Variants in COL28A1 observed in about 807,000 individuals in gnomAD.
The protein encoded by COL28A1 is collagen alpha-1(XXVIII) chain.
COL28A1 carries 161 observed loss-of-function variants against 150.2 expected under a neutral mutation model. That is an observed-to-expected ratio of 1.07 (90% CI 0.94 to 1.22). The LOEUF (loss-of-function observed/expected upper bound fraction) is 1.22. Among genes scored for constraint, COL28A1 ranks in the 50% most tolerant of loss-of-function variants. The pLI is 0.00. For missense variants in COL28A1, 1,617 were observed against 1,388.3 expected (o/e 1.16, Z -2.62); for synonymous variants, 552 against 469.7 (o/e 1.18, Z -2.26).
intron 13 of COL28A1, 105 bp from the exon 14 acceptor site, chr7:7,477,285 T>C: frequency 1.4e-6 from 1 of 702,238 alleles, no homozygotes; most frequent in Non-Finnish European, 2.5e-6. Flanking sequence ...TATTTCAGTT[T>C]ACATGCCAAA....
intron 13 of COL28A1, among the ~76,000 whole-genome samples, chr7:7,479,095 T>C (rs1789184270): frequency 6.6e-6 from 1 of 152,244 alleles, no homozygotes; most frequent in African/African-American, 2.4e-5. Context: ...CAGCACGCTG[T>C]CACCTCTCAC....
intron 25 of COL28A1, chr7:7,431,521 C>A (rs1784972967): frequency 4.2e-6 from 2 of 470,872 alleles, no homozygotes; most frequent in Non-Finnish European, 8.8e-6. Context: ...CCTGGCGAGT[C>A]CCTGATGCAG....
rs1031863732 is a variant in COL28A1, at chr7:7,529,068, G to A, written c.681+2280C>T. 2.7e-4 allele frequency among the ~76,000 whole-genome samples: 41 copies of A among 151,908 alleles called. 1 individual carries two copies. Among genetic ancestry groups the A allele is most frequent in the Admixed American group, 1.3e-4 (2 of 15,256 alleles). On this transcript the variant is annotated intron_variant, in intron 3 of 34. Transcript: ENST00000399429. ...TGTAATCCCAACACTTTGGGAGGCCGAGGCGGGCAGATCACCTGAGGTCAG... is the reference window on the plus strand; with the variant it reads ...TGTAATCCCAACACTTTGGGAGGCCAAGGCGGGCAGATCACCTGAGGTCAG...
chr7:7,445,850 T>C (rs1385860175), intron 18 of COL28A1, among the ~76,000 whole-genome samples: 5 of 148,826 alleles, frequency 3.4e-5, no homozygotes, highest in African/African-American at 1.2e-4. Flanking sequence ...AGAAGATTCA[T>C]AAAACTTAAT....
rs1403974889 is a variant in COL28A1, at chr7:7,391,976, C to T, written c.2137-10364G>A. 3.3e-5 allele frequency among the ~76,000 whole-genome samples: 5 copies of T among 151,798 alleles called. No homozygotes were observed. The East Asian group carries it at 7.7e-4, about 23-fold the overall frequency. On this transcript the variant is annotated intron_variant, in intron 27 of 34. Coordinates refer to ENST00000399429, the MANE Select transcript of COL28A1 (RefSeq NM_001037763.3). ...GTGTCTTTTAATTGGGGCATTTAGC[C>T]CGTTTACAGTTAATATTGTTATGTA...
chr7:7,369,381 A>G (rs1781102115), intron 33 of COL28A1, among the ~76,000 whole-genome samples: 1 of 152,224 alleles, frequency 6.6e-6, no homozygotes, highest in East Asian at 1.9e-4. Context: ...CATTCATTTA[A>G]GTATTATCTA....
intron 23 of COL28A1, among the ~76,000 whole-genome samples, chr7:7,433,014 G>A (rs1223545553): frequency 1.3e-5 from 2 of 151,970 alleles, no homozygotes; most frequent in African/African-American, 2.4e-5. Context: ...AATGGGGCCC[G>A]AATTATACGG....
intron 10 of COL28A1, 43 bp from the exon 11 acceptor site, chr7:7,506,110 G>C (rs1172102861): frequency 3.2e-6 from 3 of 951,590 alleles, no homozygotes; most frequent in Non-Finnish European, 5.2e-6. Context: ...GTGTACAAAA[G>C]GCCAGCAGGA....
At chr7:7,527,440 G>T (rs528353395) in intron 3 of COL28A1, among the ~76,000 whole-genome samples, 1 of 152,210 alleles carries the variant, frequency 6.6e-6, no homozygotes, top group South Asian at 2.1e-4. Context: ...GAGGAAAAAA[G>T]TCATAAGGAC....
chr7:7,517,709 C>T, intron 7 of COL28A1, 87 bp downstream of exon 7: 1 of 1,596,784 alleles, frequency 6.3e-7, no homozygotes, highest in Non-Finnish European at 8.5e-7. Flanking sequence ...CACTTTTGCA[C>T]TTGCACTAAG....
At chr7:7,424,319 T>C (rs1056713916) in intron 25 of COL28A1, among the ~76,000 whole-genome samples, 7 of 152,222 alleles carry the variant, frequency 4.6e-5, no homozygotes, top group Admixed American at 3.9e-4. Flanking sequence ...TGTGGTTCCA[T>C]GGGCCGTGTG....
At chr7:7,388,281 TGTTA>T (rs890734622) in intron 27 of COL28A1, among the ~76,000 whole-genome samples, 4 of 152,102 alleles carry the variant, frequency 2.6e-5, no homozygotes, top group African/African-American at 9.7e-5. Context: ...CCTGTTCTTA[TGTTA>T]GTTTGCTAAG....
chr7:7,440,676 G>A, intron 21 of COL28A1, 114 bp downstream of exon 21: 1 of 559,080 alleles, frequency 1.8e-6, no homozygotes, highest in Non-Finnish European at 3.3e-6. Context: ...TATTTGTTTT[G>A]TACTTGTTGG....
intron 20 of COL28A1, among the ~76,000 whole-genome samples, chr7:7,441,456 A>G (rs113019677): frequency 3.3e-5 from 5 of 152,070 alleles, no homozygotes; most frequent in African/African-American, 1.2e-4. Context: ...CTTTACCTTC[A>G]AAACTATCTT....
chr7:7,517,601 T>G (rs1055129265), intron 7 of COL28A1, among the ~76,000 whole-genome samples, 195 bp downstream of exon 7: 4 of 152,158 alleles, frequency 2.6e-5, no homozygotes, highest in South Asian at 2.1e-4. Context: ...CCATTTTCAC[T>G]CTGTTAGCTG....
At chr7:7,401,597 T>TTTG (rs1394563302) in intron 27 of COL28A1, among the ~76,000 whole-genome samples, 7 of 152,148 alleles carry the variant, frequency 4.6e-5, no homozygotes, top group African/African-American at 1.7e-4. Flanking sequence ...CCTCGACTTC[T>TTTG]TTGTCTATAT....
intron 15 of COL28A1, among the ~76,000 whole-genome samples, chr7:7,461,087 C>T (rs1378142403): frequency 1.3e-5 from 2 of 152,186 alleles, no homozygotes; most frequent in African/African-American, 4.8e-5. Context: ...ATTGTGAGTG[C>T]CCAAACTATA....
intron 25 of COL28A1, among the ~76,000 whole-genome samples, chr7:7,424,682 G>A (rs1034522998): frequency 5.3e-5 from 8 of 152,038 alleles, no homozygotes; most frequent in Admixed American, 1.3e-4. Context: ...TAAGATGACA[G>A]TCTTAGCCTT....
intron 16 of COL28A1, 45 bp downstream of exon 16, chr7:7,455,999 C>T (rs766341801): frequency 3.5e-5 from 57 of 1,610,122 alleles, no homozygotes; most frequent in Non-Finnish European, 3.6e-5. Context: ...CAGGATTGGG[C>T]TGGAATGTTC....
Sources: gnomAD v4.1 joint callset for allele counts (sites outside exome capture counted in the v4.1 genomes callset) on GRCh38, gnomAD v4.1.1 for gene constraint, MANE v1.5 for transcripts, NCBI Gene and HGNC (gene_info 2026-07-23, HGNC 2026-07-21) for gene names.